The following RBFOX1 variants were observed in gnomAD, a reference collection of about 807,000 sequenced individuals.
RBFOX1 encodes the protein RNA binding protein fox-1 homolog 1.
Under a neutral mutation model 57.7 loss-of-function variants are expected in RBFOX1, and 8 were observed. The ratio of observed to expected loss-of-function variants is 0.14; its 90% confidence interval spans 0.08 to 0.25. The LOEUF (loss-of-function observed/expected upper bound fraction) is 0.25. Ranked by LOEUF, RBFOX1 falls within the 10% of genes least tolerant of loss-of-function variation. The pLI, the probability that RBFOX1 is intolerant of heterozygous loss-of-function variation, is 1.00. For missense variants in RBFOX1, 611 were observed against 548.5 expected, an observed-to-expected ratio of 1.11 and a Z score of -1.14; for synonymous variants, 326 against 222.4, an observed-to-expected ratio of 1.47 and a Z score of -4.15.
chr16:6,876,801 G>A (rs79922348), intron 3 of RBFOX1, among the ~76,000 whole-genome samples: 1 of 152,086 alleles, frequency 6.6e-6, no homozygotes, highest in African/African-American at 2.4e-5. Flanking sequence ...TGAAATAACT[G>A]TATCTGCTAA....
chr16:5,478,145 A>G (rs2069396697), intron 2 of RBFOX1, among the ~76,000 whole-genome samples: 1 of 152,156 alleles, frequency 6.6e-6, no homozygotes, highest in South Asian at 2.1e-4. Context: ...GCCAAATGTT[A>G]TGTCCTCCCT....
chr16:5,919,424 C>T (rs763155371), intron 4 of RBFOX1, among the ~76,000 whole-genome samples: 18 of 152,072 alleles, frequency 1.2e-4, no homozygotes, highest in Non-Finnish European at 1.9e-4. Flanking sequence ...CTCACTGCAA[C>T]TTCCTCCTCC....
intron 4 of RBFOX1, among the ~76,000 whole-genome samples, chr16:7,248,414 G>C (rs1453945661): frequency 6.6e-6 from 1 of 152,176 alleles, no homozygotes; most frequent in Non-Finnish European, 1.5e-5. Flanking sequence ...TCTTCTAGCT[G>C]AGTCCCTTCA....
intron 4 of RBFOX1, among the ~76,000 whole-genome samples, chr16:7,303,346 A>G (rs1428320508): frequency 6.6e-6 from 1 of 151,746 alleles, no homozygotes; most frequent in Non-Finnish European, 1.5e-5. Flanking sequence ...ACGTCTCAGC[A>G]CTCCACCTCC....
intron 1 of RBFOX1, among the ~76,000 whole-genome samples, chr16:5,369,107 T>C (rs1341873338): frequency 6.6e-6 from 1 of 152,166 alleles, no homozygotes; most frequent in Admixed American, 6.5e-5. Context: ...GTTCAAGCAG[T>C]TCTCCTGTCT....
At chr16:6,584,265 C>T (rs1014773098) in intron 2 of RBFOX1, among the ~76,000 whole-genome samples, 1 of 151,468 alleles carries the variant, frequency 6.6e-6, no homozygotes, top group African/African-American at 2.4e-5. Context: ...GATCAAACCA[C>T]ACTTTCACTA....
At chr16:7,588,485 T>A (rs112013624) in intron 7 of RBFOX1, among the ~76,000 whole-genome samples, 124 of 152,180 alleles carry the variant, frequency 8.1e-4, no homozygotes, top group South Asian at 8.3e-4. Context: ...TGGATCTTGG[T>A]AACCAGAAAG....
intron 12 of RBFOX1, 97 bp downstream of exon 12, chr16:7,654,044 C>G: frequency 7.8e-7 from 1 of 1,288,874 alleles, no homozygotes; most frequent in Non-Finnish European, 1.0e-6. Flanking sequence ...CTTGACTCCC[C>G]CTCCGCCACC....
chr16:5,403,349 C>CAAAAAAAAAAAAA (rs767830099), intron 1 of RBFOX1, among the ~76,000 whole-genome samples: 4 of 82,268 alleles, frequency 4.9e-5, no homozygotes, highest in Non-Finnish European at 1.1e-4. Flanking sequence ...AACGCTGTCT[C>CAAAAAAAAAAAAA]AAAAAAAAAA....
intron 2 of RBFOX1, among the ~76,000 whole-genome samples, chr16:6,567,296 T>G (rs1376635011): frequency 2.0e-5 from 3 of 152,216 alleles, no homozygotes; most frequent in African/African-American, 7.2e-5. Flanking sequence ...AGGCAAATTA[T>G]TATTGTCCTG....
chr16:5,517,506 G>A (rs2043835560), intron 2 of RBFOX1, among the ~76,000 whole-genome samples: 1 of 152,178 alleles, frequency 6.6e-6, no homozygotes, highest in South Asian at 2.1e-4. Flanking sequence ...AATCCCAGAA[G>A]AGAGAATTTT....
rs995245961 is a variant in RBFOX1 at position 6,654,725 on chromosome 16, C to T, written c.-16+75C>T. ...GTGAATTGAACCCAGGTGTTTAAGG[C>T]ATGCCCCTCTCGATGATGGTTTTTA... On this transcript the variant is annotated intron_variant, in intron 3 of 15. Coordinates refer to ENST00000550418, the MANE Select transcript of RBFOX1 (RefSeq NM_018723.4). 4.4e-6 allele frequency: 5 copies of T among 1,134,688 alleles called. No homozygotes were observed. In the African/African-American group the frequency reaches 8.0e-5, roughly 18 times the overall value. 70.3% of individuals were successfully genotyped at this position (1,134,688 alleles called of 1,614,324 possible).
chr16:6,240,927 C>T (rs1018034208), intron 1 of RBFOX1, among the ~76,000 whole-genome samples: 15 of 152,182 alleles, frequency 9.9e-5, no homozygotes, highest in Admixed American at 5.9e-4. Flanking sequence ...TACTCTGTGA[C>T]ATCACACATT....
chr16:6,425,793 A>G (rs2093908783), intron 2 of RBFOX1, among the ~76,000 whole-genome samples: 1 of 152,182 alleles, frequency 6.6e-6, no homozygotes, highest in Admixed American at 6.5e-5. Context: ...TCTTTTATTC[A>G]GGGAGAAAGA....
At chr16:5,297,787 G>C (rs904198524) in intron 1 of RBFOX1, among the ~76,000 whole-genome samples, 1 of 152,156 alleles carries the variant, frequency 6.6e-6, no homozygotes, top group African/African-American at 2.4e-5. Flanking sequence ...TAGACCAATA[G>C]CTGATTTTGG....
intron 2 of RBFOX1, among the ~76,000 whole-genome samples, chr16:6,389,653 CAA>C (rs769188081): frequency 1.3e-5 from 2 of 152,046 alleles, no homozygotes; most frequent in Admixed American, 6.5e-5. Flanking sequence ...AGTTGAATGA[CAA>C]GAGTAAACAT....
intron 3 of RBFOX1, among the ~76,000 whole-genome samples, chr16:6,755,265 GAGT>G (rs2075601809): frequency 6.6e-6 from 1 of 152,134 alleles, no homozygotes; most frequent in South Asian, 2.1e-4. Context: ...TTAGATCCCT[GAGT>G]AATCGCCACA....
intron 1 of RBFOX1, among the ~76,000 whole-genome samples, chr16:6,213,020 G>T (rs1327533547): frequency 6.6e-6 from 1 of 152,148 alleles, no homozygotes; most frequent in Non-Finnish European, 1.5e-5. Context: ...GTCACCTGGA[G>T]ACATCCCTGC....
chr16:5,734,827 A>G (rs1023654807), intron 3 of RBFOX1, among the ~76,000 whole-genome samples: 2 of 152,164 alleles, frequency 1.3e-5, no homozygotes, highest in Admixed American at 1.3e-4. Context: ...GAAGGGAGAT[A>G]AGGGTGTTTA....
Sources: allele counts gnomAD v4.1 joint callset (sites outside exome capture counted in the v4.1 genomes callset), GRCh38; gene constraint gnomAD v4.1.1; transcripts MANE v1.5; gene names NCBI Gene and HGNC (gene_info 2026-07-23, HGNC 2026-07-21).